ANTXR1: variants seen among roughly 807,000 people sequenced by gnomAD.
ANTXR1 encodes ANTXR cell adhesion molecule 1.
ANTXR1 carries 19 observed loss-of-function variants against 78.1 expected under a neutral mutation model. That is an observed-to-expected ratio of 0.24 (90% CI 0.17 to 0.36). The LOEUF (loss-of-function observed/expected upper bound fraction) is 0.36, where lower values mean the gene tolerates loss of function less well. Ranked by LOEUF, ANTXR1 falls within the 10% of genes least tolerant of loss-of-function variation. The pLI is 1.00. For synonymous variants in ANTXR1, 273 were observed against 260.5 expected, an observed-to-expected ratio of 1.05 and a Z score of -0.46; for missense variants, 518 against 718.6, an observed-to-expected ratio of 0.72 and a Z score of 3.19.
intron 6 of ANTXR1, among the ~76,000 whole-genome samples, chr2:69,075,126 A>G (rs558473591): frequency 6.6e-6 from 1 of 152,250 alleles, no homozygotes; most frequent in East Asian, 1.9e-4. Flanking sequence ...TTGTGTGAGG[A>G]GCTCTGTAAA....
intron 17 of ANTXR1, among the ~76,000 whole-genome samples, chr2:69,231,639 T>C (rs544883025): frequency 3.0e-4 from 45 of 152,322 alleles, no homozygotes; most frequent in African/African-American, 1.1e-3. Flanking sequence ...TTAGAGTCTC[T>C]CATGAAGCTG....
In ANTXR1 at chr2:69,187,923, C is replaced by G. The variant is rs1674459686; in HGVS notation, c.1353+5263C>G. Among the ~76,000 whole-genome samples the G allele has an allele frequency of 2.0e-5, 3 of 150,592 alleles. No homozygotes were observed. In the South Asian group the frequency reaches 6.3e-4, roughly 31 times the overall value. On this transcript the variant is annotated intron_variant, in intron 16 of 17. Transcript: ENST00000303714. ...TTTCAAAGTGTAAAAAGTCAGGTGT[C>G]AGTTTATAGTGGCCTTATAAGTTGA...
At chr2:69,035,184 G>T (rs1379998082) in intron 1 of ANTXR1, among the ~76,000 whole-genome samples, 1 of 152,132 alleles carries the variant, frequency 6.6e-6, no homozygotes, top group Non-Finnish European at 1.5e-5. Flanking sequence ...TCTGGTTGAG[G>T]TCCCAGTGGT....
chr2:69,208,982 A>C (rs1674972754), intron 17 of ANTXR1, among the ~76,000 whole-genome samples: 1 of 152,164 alleles, frequency 6.6e-6, no homozygotes, highest in Admixed American at 6.5e-5. Flanking sequence ...AGCTCACTGC[A>C]GCCCCGACCT....
chr2:69,086,044 T>G (rs1022661180), intron 8 of ANTXR1, among the ~76,000 whole-genome samples: 4 of 152,166 alleles, frequency 2.6e-5, no homozygotes, highest in African/African-American at 9.7e-5. Flanking sequence ...TTCTGAAATA[T>G]GTGTGAAAGC....
At chr2:69,077,898 G>T (rs922054770) in intron 8 of ANTXR1, among the ~76,000 whole-genome samples, 3 of 152,210 alleles carry the variant, frequency 2.0e-5, no homozygotes, top group African/African-American at 7.2e-5. Flanking sequence ...AGACCAGGCT[G>T]TCCATTGAAG....
chr2:69,199,705 T>A (rs1458452295), intron 17 of ANTXR1, among the ~76,000 whole-genome samples: 1 of 152,140 alleles, frequency 6.6e-6, no homozygotes, highest in Non-Finnish European at 1.5e-5. Flanking sequence ...GTCTGGGCAC[T>A]TATAGGATCA....
rs143609019 is a variant in ANTXR1 at position 69,243,747 on chromosome 2, G to A, written c.1435-1478G>A. Among the ~76,000 whole-genome samples, 116 of 152,272 alleles carry A rather than the reference G, an allele frequency of 7.6e-4. 2 individuals carry two copies. The East Asian group carries it at 0.018, about 23-fold the overall frequency. On this transcript the variant is annotated intron_variant, in intron 17 of 17. Coordinates refer to ENST00000303714, the MANE Select transcript of ANTXR1 (RefSeq NM_032208.3). ...ACTCTGTGCTCTCTGGACATATCTC[G>A]TTCAGGCTGGACACCACAGGATAAC... is the stretch of plus-strand genomic sequence containing the variant.
intron 16 of ANTXR1, among the ~76,000 whole-genome samples, chr2:69,190,657 T>C (rs1276406044): frequency 6.6e-6 from 1 of 152,180 alleles, no homozygotes; most frequent in Non-Finnish European, 1.5e-5. Context: ...ATCTAACCCA[T>C]AGAGCTGGTG....
At chr2:69,216,200 C>A (rs746204370) in intron 17 of ANTXR1, among the ~76,000 whole-genome samples, 1 of 152,132 alleles carries the variant, frequency 6.6e-6, no homozygotes, top group Non-Finnish European at 1.5e-5. Context: ...CTAGAAGGAA[C>A]CTTTTATATC....
intron 13 of ANTXR1, among the ~76,000 whole-genome samples, chr2:69,164,064 G>A (rs768976928): frequency 5.9e-5 from 9 of 152,168 alleles, no homozygotes; most frequent in Non-Finnish European, 1.0e-4. Context: ...CAGACTGTGC[G>A]TGTAGTTTTC....
intron 3 of ANTXR1, among the ~76,000 whole-genome samples, chr2:69,058,315 G>A (rs903699519): frequency 6.6e-6 from 1 of 152,106 alleles, no homozygotes; most frequent in Non-Finnish European, 1.5e-5. Context: ...ATCTTCAAAG[G>A]ACAGCCTAGC....
chr2:69,212,961 CTTTT>C (rs747933496), intron 17 of ANTXR1, among the ~76,000 whole-genome samples: 4,117 of 97,970 alleles, frequency 0.042, 186 homozygotes, highest in African/African-American at 0.14. Context: ...TGCACATCAC[CTTTT>C]TTTTTTTTTT....
chr2:69,175,490 C>T (rs1010500772), intron 14 of ANTXR1, among the ~76,000 whole-genome samples: 5 of 152,060 alleles, frequency 3.3e-5, no homozygotes, highest in Non-Finnish European at 7.4e-5. Context: ...GGCATGGTGG[C>T]TGTCACACAT....
intron 17 of ANTXR1, among the ~76,000 whole-genome samples, chr2:69,212,961 C>CTTT (rs747933496): frequency 7.3e-4 from 72 of 98,076 alleles, no homozygotes; most frequent in Non-Finnish European, 1.1e-3. Context: ...TGCACATCAC[C>CTTT]TTTTTTTTTT....
intron 1 of ANTXR1, among the ~76,000 whole-genome samples, chr2:69,016,942 A>T (rs950852503): frequency 3.3e-5 from 5 of 152,300 alleles, no homozygotes; most frequent in Admixed American, 6.5e-5. Flanking sequence ...GCATCATAGG[A>T]TTCTATGAAG....
intron 17 of ANTXR1, among the ~76,000 whole-genome samples, chr2:69,207,952 T>C (rs12611749): frequency 0.4 from 60,966 of 152,032 alleles, 13,333 homozygotes; most frequent in East Asian, 0.88. Context: ...TGCATGCTGA[T>C]TGGTTTGTGA....
chr2:69,154,736 A>C (rs765538672), intron 13 of ANTXR1, among the ~76,000 whole-genome samples: 10 of 152,152 alleles, frequency 6.6e-5, no homozygotes, highest in Non-Finnish European at 1.5e-4. Context: ...GACCTAAAAA[A>C]CGTGGGGTAC....
intron 8 of ANTXR1, among the ~76,000 whole-genome samples, chr2:69,090,184 T>C (rs1203311760): frequency 6.6e-6 from 1 of 151,872 alleles, no homozygotes; most frequent in Non-Finnish European, 1.5e-5. Context: ...CTCTTGGTCA[T>C]CTGACTATGC....
Sources: allele counts gnomAD v4.1 joint callset (sites outside exome capture counted in the v4.1 genomes callset), GRCh38; gene constraint gnomAD v4.1.1; transcripts MANE v1.5; gene names NCBI Gene and HGNC (gene_info 2026-07-23, HGNC 2026-07-21).